LINC00632: variants seen among roughly 807,000 people sequenced by gnomAD.
The protein encoded by LINC00632 is ALDOA related specific transcript.
At chrX:140,748,297 T>TA (rs1483994149) in intron 3 of LINC00632, among the ~76,000 whole-genome samples, 1 of 112,434 alleles carries the variant, frequency 8.9e-6, no homozygotes, top group Non-Finnish European at 1.9e-5. Context: ...GAAAGTTTGT[T>TA]AAAGTGATGA....
At chrX:140,740,632 G>A (rs1931210612) in intron 3 of LINC00632, among the ~76,000 whole-genome samples, 1 of 110,655 alleles carries the variant, frequency 9.0e-6, no homozygotes, top group South Asian at 3.9e-4. Flanking sequence ...TAAGACTTAG[G>A]TATTTCTTGA....
exon 5 of LINC00632, chrX:140,785,011 C>T (rs181254269): frequency 3.9e-4 from 46 of 118,730 alleles, no homozygotes; most frequent in Non-Finnish European, 4.1e-4. Context: ...CTAGTGCTTA[C>T]GGTTTTTATA....
intron 3 of LINC00632, among the ~76,000 whole-genome samples, chrX:140,765,544 C>T (rs940202501): frequency 8.9e-6 from 1 of 111,921 alleles, no homozygotes; most frequent in African/African-American, 3.2e-5. Context: ...AGAAGAGGGA[C>T]GCCTCTATGC....
chrX:140,759,338 TTC>T (rs1569354255), intron 3 of LINC00632, among the ~76,000 whole-genome samples: 14 of 54,062 alleles, frequency 2.6e-4, no homozygotes, highest in African/African-American at 7.8e-4. Context: ...CCTTCCTTCC[TTC>T]CTTCCTTTCT....
At chrX:140,765,437 TA>T (rs1275230455) in intron 3 of LINC00632, among the ~76,000 whole-genome samples, 1 of 112,243 alleles carries the variant, frequency 8.9e-6, no homozygotes, top group Non-Finnish European at 1.9e-5. Context: ...TGCACTCCCT[TA>T]ATTAGTATTT....
intron 2 of LINC00632, among the ~76,000 whole-genome samples, chrX:140,731,259 TA>T (rs1218967556): frequency 1.8e-5 from 2 of 111,857 alleles, no homozygotes; most frequent in African/African-American, 6.5e-5. Flanking sequence ...TATTTACTTT[TA>T]GACTATTCCA....
chrX:140,775,818 TAGGAAGC>T (rs1931864042), exon 5 of LINC00632, among the ~76,000 whole-genome samples: 2 of 90,861 alleles, frequency 2.2e-5, no homozygotes, highest in Admixed American at 2.5e-4. Context: ...TTTGGTTTTG[TAGGAAGC>T]AGGAAGCAAG....
chrX:140,769,704 G>A (rs1327319487), intron 3 of LINC00632, among the ~76,000 whole-genome samples: 1 of 110,564 alleles, frequency 9.0e-6, no homozygotes, highest in African/African-American at 3.3e-5. Context: ...TATTTTTACT[G>A]CCCACTTCAG....
exon 5 of LINC00632, among the ~76,000 whole-genome samples, chrX:140,780,793 A>C (rs188593393): frequency 9.0e-6 from 1 of 111,641 alleles, no homozygotes; most frequent in East Asian, 2.8e-4. Flanking sequence ...TCAGAATCCT[A>C]AGTATTCATC....
At position 140,783,435 on chromosome X, in the gene LINC00632, G is replaced by A. The variant is rs563366130; in HGVS notation, n.11454G>A. On this transcript the variant is annotated non_coding_transcript_exon_variant, in exon 5 of 5. Transcript: ENST00000648200. ...ATCCAGATCTTCCAGGAAAATCCAC[G>A]TCTTCCAGGAAATCCATGTCTTCCA... 106 of 613,354 alleles carry A rather than the reference G, an allele frequency of 1.7e-4. 2 individuals carry two copies. The South Asian group carries it at 3.0e-3, about 17-fold the overall frequency. 50.5% of individuals were successfully genotyped at this position (613,354 alleles called of 1,213,427 possible).
exon 5 of LINC00632, among the ~76,000 whole-genome samples, chrX:140,776,933 T>C: frequency 9.0e-6 from 1 of 111,196 alleles, no homozygotes; most frequent in East Asian, 2.8e-4. Context: ...ATGTGGCACA[T>C]ATACAACATG....
chrX:140,711,848 TTC>T (rs1333726600), intron 2 of LINC00632: 5 of 150,372 alleles, frequency 3.3e-5, no homozygotes, highest in Admixed American at 8.9e-5. Flanking sequence ...TGTGATTTTT[TTC>T]TTTCCTTTGA....
At chrX:140,711,162 T>C (rs1014978906) in intron 1 of LINC00632, among the ~76,000 whole-genome samples, 2 of 111,605 alleles carry the variant, frequency 1.8e-5, no homozygotes, top group East Asian at 5.6e-4. Context: ...TTTTATACAC[T>C]TACTAAAATA....
intron 1 of LINC00632, among the ~76,000 whole-genome samples, chrX:140,710,177 C>T (rs1320240695): frequency 1.8e-5 from 2 of 112,182 alleles, no homozygotes; most frequent in African/African-American, 6.5e-5. Context: ...TCAAGATGTT[C>T]TCAAACCTGG....
At chrX:140,773,027 T>C (rs950255757) in exon 4 of LINC00632, among the ~76,000 whole-genome samples, 2 of 111,119 alleles carry the variant, frequency 1.8e-5, no homozygotes, top group South Asian at 7.6e-4. Context: ...TTAGCCAGGA[T>C]TGGTGGCGGG....
chrX:140,790,525 C>T (rs977007550), exon 5 of LINC00632, among the ~76,000 whole-genome samples: 1 of 110,419 alleles, frequency 9.1e-6, no homozygotes, highest in Non-Finnish European at 1.9e-5. Flanking sequence ...CAGAATTTTT[C>T]GCTATTCTTG....
Position 140,748,780 on chromosome X carries a change from TATG to T in LINC00632, n.191+14819_191+14821del, listed in dbSNP as rs979196464. Among the ~76,000 whole-genome samples the T allele has an allele frequency of 1.7e-3, 175 of 106,036 alleles. 2 individuals carry two copies. The highest frequency in any genetic ancestry group is 0.015 in the Middle Eastern group (3 of 202). 92.1% of individuals were successfully genotyped at this position (106,036 alleles called of 115,157 possible). A position where few individuals can be genotyped will look rare whatever the true frequency, so the allele number is the denominator to read the frequency against. On this transcript the variant is annotated intron_variant and non_coding_transcript_variant, in intron 3 of 4. Coordinates refer to ENST00000648200, the Ensembl canonical transcript of LINC00632. Reference sequence around the variant, plus strand: ...CATAAACACACATTATAAAATAAAATATGATATATATATTTTATATATGATATA... The same window carrying T: ...CATAAACACACATTATAAAATAAAATATATATATATTTTATATATGATATA...
At chrX:140,774,835 C>G (rs1931852218) in exon 5 of LINC00632, among the ~76,000 whole-genome samples, 1 of 111,347 alleles carries the variant, frequency 9.0e-6, no homozygotes, top group Non-Finnish European at 1.9e-5. Flanking sequence ...ATTCCTCCAA[C>G]ATGGGTACTC....
chrX:140,761,205 C>T (rs1018739520), intron 3 of LINC00632, among the ~76,000 whole-genome samples: 1 of 112,564 alleles, frequency 8.9e-6, no homozygotes, highest in Non-Finnish European at 1.9e-5. Flanking sequence ...GGTCTATTCT[C>T]ATTGTGTCCC....
Sources: gnomAD v4.1 joint callset for allele counts (sites outside exome capture counted in the v4.1 genomes callset) on GRCh38, gnomAD v4.1.1 for gene constraint, MANE v1.5 for transcripts, NCBI Gene and HGNC (gene_info 2026-07-23, HGNC 2026-07-21) for gene names.